The following INSR variants were observed in gnomAD, a reference collection of about 807,000 sequenced individuals.
INSR encodes the protein insulin receptor.
Under a neutral mutation model 142.6 loss-of-function variants are expected in INSR, and 67 were observed. The observed-to-expected ratio is 0.47, with a 90% CI of 0.39 to 0.58. The LOEUF (loss-of-function observed/expected upper bound fraction) is 0.58, where lower values mean the gene tolerates loss of function less well. Among genes scored for constraint, INSR ranks in the 20% least tolerant of loss-of-function variants. The pLI is 0.00. For synonymous variants in INSR, 756 were observed against 743.1 expected (o/e 1.02, Z -0.28); for missense variants, 1,248 against 1,833.2 (o/e 0.68, Z 5.83).
intron 2 of INSR, among the ~76,000 whole-genome samples, chr19:7,210,521 G>A (rs945689982): frequency 2.6e-5 from 4 of 151,990 alleles, no homozygotes; most frequent in East Asian, 1.9e-4. Context: ...CTTTCTCCTC[G>A]CTGTGCGACT....
At chr19:7,122,845 C>G (rs2288406) in intron 18 of INSR, 34 bp downstream of exon 18, 12 of 1,607,688 alleles carry the variant, frequency 7.5e-6, no homozygotes, top group Non-Finnish European at 1.0e-5. Flanking sequence ...GGTGCTCCAC[C>G]GAGTACCCCG....
intron 1 of INSR, among the ~76,000 whole-genome samples, chr19:7,274,136 T>TG (rs1371086857): frequency 6.6e-6 from 1 of 151,860 alleles, no homozygotes; most frequent in Non-Finnish European, 1.5e-5. Context: ...GAACACGGGA[T>TG]GGGTGGTGAT....
chr19:7,206,855 A>G (rs920005058), intron 2 of INSR, among the ~76,000 whole-genome samples: 1 of 152,180 alleles, frequency 6.6e-6, no homozygotes, highest in Non-Finnish European at 1.5e-5. Context: ...CACGTTGTCA[A>G]CCACACTTCC....
At chr19:7,135,708 C>T (rs1030341227) in intron 13 of INSR, among the ~76,000 whole-genome samples, 3 of 151,860 alleles carry the variant, frequency 2.0e-5, no homozygotes, top group Non-Finnish European at 4.4e-5. Flanking sequence ...CGGTGGTTCA[C>T]GCCTATAATC....
chr19:7,138,689 A>G (rs28540607), intron 13 of INSR, among the ~76,000 whole-genome samples: 2,414 of 152,122 alleles, frequency 0.016, 81 homozygotes, highest in African/African-American at 0.055. Context: ...ATCATTTTCA[A>G]TGGCTCTTCA....
At chr19:7,156,610 G>GA (rs1456662077) in intron 9 of INSR, among the ~76,000 whole-genome samples, 3 of 151,980 alleles carry the variant, frequency 2.0e-5, no homozygotes, top group Non-Finnish European at 2.9e-5. Context: ...ACGCCAGACA[G>GA]AAAAAACACC....
chr19:7,231,316 TTTG>T (rs1193445957), intron 2 of INSR, among the ~76,000 whole-genome samples: 67 of 131,042 alleles, frequency 5.1e-4, no homozygotes, highest in African/African-American at 1.9e-3. Context: ...TTTTTTTTTT[TTTG>T]AGATGGAGTC....
intron 2 of INSR, among the ~76,000 whole-genome samples, chr19:7,243,465 C>T (rs1411979234): frequency 6.6e-6 from 1 of 151,842 alleles, no homozygotes; most frequent in Admixed American, 6.6e-5. Flanking sequence ...AGGCTGGTCT[C>T]GAACCCCTGA....
At chr19:7,281,337 A>AAC (rs34319011) in intron 1 of INSR, among the ~76,000 whole-genome samples, 38 of 150,718 alleles carry the variant, frequency 2.5e-4, no homozygotes, top group South Asian at 1.9e-3. Flanking sequence ...ACAACAAACA[A>AAC]ACACACACAC....
intron 1 of INSR, among the ~76,000 whole-genome samples, chr19:7,280,625 G>T (rs574616600): frequency 2.6e-4 from 40 of 152,068 alleles, no homozygotes; most frequent in African/African-American, 9.4e-4. Flanking sequence ...GCTGAGGCAG[G>T]AGAATCGCCT....
intron 1 of INSR, among the ~76,000 whole-genome samples, chr19:7,274,417 G>A (rs1017101482): frequency 2.0e-5 from 3 of 151,308 alleles, no homozygotes; most frequent in African/African-American, 4.9e-5. Flanking sequence ...CTGGTCTGCA[G>A]GATTTTTTTC....
At chr19:7,123,824 G>A (rs1450112704) in intron 17 of INSR, among the ~76,000 whole-genome samples, 1 of 152,086 alleles carries the variant, frequency 6.6e-6, no homozygotes. Flanking sequence ...TCAGGAGGCC[G>A]CGGCAGGAGA....
chr19:7,148,352 G>A (rs960187400), intron 11 of INSR, among the ~76,000 whole-genome samples: 1 of 152,064 alleles, frequency 6.6e-6, no homozygotes, highest in African/African-American at 2.4e-5. Context: ...ACTTTAGGGG[G>A]AAGACACACT....
At chr19:7,136,782 C>T (rs757642500) in intron 13 of INSR, among the ~76,000 whole-genome samples, 1 of 149,618 alleles carries the variant, frequency 6.7e-6, no homozygotes, top group Non-Finnish European at 1.5e-5. Flanking sequence ...CCTAGCATTG[C>T]TTTGATCAAG....
chr19:7,267,939 G>A lies in INSR; in HGVS notation c.101-43C>T, dbSNP rs1370372484. 2.6e-6 allele frequency: 4 copies of A among 1,526,124 alleles called. No individual in the cohort carries two copies. The highest frequency in any genetic ancestry group is 1.8e-4 in the Middle Eastern group (1 of 5,586). 94.5% of individuals were successfully genotyped at this position (1,526,124 alleles called of 1,614,324 possible). A position where few individuals can be genotyped will look rare whatever the true frequency, so the allele number is the denominator to read the frequency against. ...CAGAAAGCAAGACAGGTGAGCAGACGCACGGTGGATGCATCAGAAGGATCA... is the reference window on the plus strand; with the variant it reads ...CAGAAAGCAAGACAGGTGAGCAGACACACGGTGGATGCATCAGAAGGATCA... On this transcript the variant is annotated intron_variant, in intron 1 of 21. Coordinates refer to ENST00000302850, the MANE Select transcript of INSR (RefSeq NM_000208.4). The surrounding 1 kb of genome is among the most constrained non-coding windows in gnomAD (Gnocchi z 6.3).
At chr19:7,122,461 A>G (rs573765204) in intron 19 of INSR, 153 bp downstream of exon 19, 2 of 845,178 alleles carry the variant, frequency 2.4e-6, no homozygotes, top group African/African-American at 3.5e-5. Context: ...ACAAAAAGAC[A>G]AAACAAAACA....
At chr19:7,176,060 C>T (rs1974128468) in intron 3 of INSR, among the ~76,000 whole-genome samples, 1 of 152,084 alleles carries the variant, frequency 6.6e-6, no homozygotes, top group African/African-American at 2.4e-5. Flanking sequence ...CACCATATCC[C>T]ATGGAGGCAG....
Position 7,116,533 on chromosome 19 carries a change from C to T in INSR, c.*523G>A, listed in dbSNP as rs1196848945. ...TGTAAAGAAAAAAAAAATCCTTCAGCCTGGATGAGAGAAAAAAAAAAAACC... is the reference window on the plus strand; with the variant it reads ...TGTAAAGAAAAAAAAAATCCTTCAGTCTGGATGAGAGAAAAAAAAAAAACC... On this transcript the variant is annotated 3_prime_UTR_variant, in exon 22 of 22. Coordinates refer to ENST00000302850, the MANE Select transcript of INSR (RefSeq NM_000208.4). The T allele has an allele frequency of 6.6e-6, 1 of 151,278 alleles. No individual in the cohort carries two copies. The highest frequency in any genetic ancestry group is 2.4e-5 in the African/African-American group (1 of 40,966). The allele number at this position is 151,278 out of a possible 1,614,324, so 9.4% of individuals were successfully genotyped here. A position where few individuals can be genotyped will look rare whatever the true frequency, so the allele number is the denominator to read the frequency against.
chr19:7,127,875 C>T (rs1972683462), intron 15 of INSR, among the ~76,000 whole-genome samples: 1 of 151,940 alleles, frequency 6.6e-6, no homozygotes, highest in Non-Finnish European at 1.5e-5. Flanking sequence ...TCCTGAGAAG[C>T]TGGGATTACA....
Sources: gnomAD v4.1 joint callset for allele counts (sites outside exome capture counted in the v4.1 genomes callset) on GRCh38, gnomAD v4.1.1 for gene constraint, Gnocchi (gnomAD v3.1) non-coding constraint, MANE v1.5 for transcripts, NCBI Gene and HGNC (gene_info 2026-07-23, HGNC 2026-07-21) for gene names.